PIBF1: variants seen among roughly 807,000 people sequenced by gnomAD.
The protein encoded by PIBF1 is progesterone immunomodulatory binding factor 1.
Under a neutral mutation model 112.5 loss-of-function variants are expected in PIBF1, and 90 were observed. The ratio of observed to expected loss-of-function variants is 0.80; its 90% CI spans 0.67 to 0.95. The LOEUF (loss-of-function observed/expected upper bound fraction) is 0.95. Ranked by LOEUF, PIBF1 falls within the 40% of genes least tolerant of loss-of-function variation. The probability of loss-of-function intolerance (pLI) is 0.00; values close to 1 mark genes in which losing one functional copy is unlikely to be tolerated. For synonymous variants in PIBF1, 301 were observed against 288.6 expected (o/e 1.04, Z -0.44); for missense variants, 915 against 852.3 (o/e 1.07, Z -0.92).
chr13:72,802,419 G>A (rs980444081), intron 5 of PIBF1, among the ~76,000 whole-genome samples: 1 of 152,160 alleles, frequency 6.6e-6, no homozygotes, highest in Non-Finnish European at 1.5e-5. Context: ...TTGTAATCTA[G>A]GGGAGAGATT....
At chr13:72,825,549 T>C (rs9543130) in intron 6 of PIBF1, among the ~76,000 whole-genome samples, 18,114 of 152,042 alleles carry the variant, frequency 0.12, 1,420 homozygotes, top group Non-Finnish European at 0.17. Flanking sequence ...GACTGACTGT[T>C]TGGTGGGATC....
intron 10 of PIBF1, among the ~76,000 whole-genome samples, chr13:72,881,576 C>T (rs528954483): frequency 1.2e-3 from 184 of 151,808 alleles, no homozygotes; most frequent in Non-Finnish European, 2.2e-3. Flanking sequence ...ATTAGCCAGG[C>T]GTGGTGGTGT....
At chr13:72,849,145 ATATGTG>A (rs1344293209) in intron 9 of PIBF1, among the ~76,000 whole-genome samples, 1 of 152,244 alleles carries the variant, frequency 6.6e-6, no homozygotes, top group African/African-American at 2.4e-5. Flanking sequence ...GGAAAAATAC[ATATGTG>A]TATATGGGAG....
chr13:72,899,811 A>G (rs375070242), intron 11 of PIBF1, among the ~76,000 whole-genome samples: 7 of 152,310 alleles, frequency 4.6e-5, no homozygotes, highest in Non-Finnish European at 1.0e-4. Context: ...GAGGAAGTCA[A>G]ACTGTCCCTG....
chr13:72,897,256 G>A (rs959775848), intron 11 of PIBF1, among the ~76,000 whole-genome samples: 2 of 152,142 alleles, frequency 1.3e-5, no homozygotes, highest in African/African-American at 4.8e-5. Flanking sequence ...CATGCTGAGA[G>A]AATTCACCAT....
chr13:72,860,078 A>G (rs905602497), intron 10 of PIBF1, among the ~76,000 whole-genome samples: 2 of 152,220 alleles, frequency 1.3e-5, no homozygotes, highest in South Asian at 2.1e-4. Flanking sequence ...CTCTATCAGT[A>G]GAAGTATTCA....
At position 72,931,226 on chromosome 13, in the gene PIBF1, C is replaced by A. The variant is rs1185374888; in HGVS notation, c.1792C>A (p.Leu598Met). Residue 598 changes from leucine (L) to methionine (M), a missense_variant, in exon 14 of 18, where the codon CTG (leucine) becomes ATG (methionine). Coordinates refer to ENST00000326291, the MANE Select transcript of PIBF1 (RefSeq NM_006346.4). Reference sequence around the variant, plus strand: ...ACAAAACTCGCTGATTTTAAAAGATCTGGAACATCGAAAGGACCAAGTAAC... The same window carrying A: ...ACAAAACTCGCTGATTTTAAAAGATATGGAACATCGAAAGGACCAAGTAAC... ...EKQNSLILKD[L>M]EHRKDQVTQL... is the part of the protein sequence containing the mutation. 6.2e-7 allele frequency: 1 copy of A among 1,613,088 alleles called. No individual in the cohort carries two copies. Among genetic ancestry groups the A allele is most frequent in the South Asian group, 1.1e-5 (1 of 91,016 alleles).
chr13:73,003,162 A>G (rs1015649205), intron 17 of PIBF1, among the ~76,000 whole-genome samples: 3 of 152,040 alleles, frequency 2.0e-5, no homozygotes, highest in Non-Finnish European at 4.4e-5. Flanking sequence ...TAGATAGATT[A>G]AGTTTATATA....
At chr13:72,993,422 A>G (rs1216364389) in intron 16 of PIBF1, among the ~76,000 whole-genome samples, 2 of 152,220 alleles carry the variant, frequency 1.3e-5, no homozygotes, top group Admixed American at 6.5e-5. Flanking sequence ...AACTGCCAAT[A>G]GAGGGATATA....
chr13:72,855,324 TAATA>T (rs1411229563), intron 10 of PIBF1, among the ~76,000 whole-genome samples: 1 of 152,182 alleles, frequency 6.6e-6, no homozygotes, highest in Non-Finnish European at 1.5e-5. Flanking sequence ...GGAAGAATTT[TAATA>T]AATGTTATAT....
At chr13:72,990,242 A>AGG (rs1184094153) in intron 16 of PIBF1, among the ~76,000 whole-genome samples, 3 of 147,372 alleles carry the variant, frequency 2.0e-5, no homozygotes, top group Non-Finnish European at 4.5e-5. Context: ...AAAAAATGCC[A>AGG]GGTACAGTGG....
intron 10 of PIBF1, among the ~76,000 whole-genome samples, chr13:72,887,443 T>A (rs1166897378): frequency 6.6e-6 from 1 of 151,848 alleles, no homozygotes; most frequent in Admixed American, 6.6e-5. Flanking sequence ...GTGTGCTTAT[T>A]TTTGTATTCT....
At chr13:72,901,988 AC>A (rs2040505454) in intron 11 of PIBF1, among the ~76,000 whole-genome samples, 1 of 83,556 alleles carries the variant, frequency 1.2e-5, no homozygotes, top group Non-Finnish European at 2.7e-5. Flanking sequence ...GGATAAAGAA[AC>A]TGTAGTGTGT....
At chr13:72,975,302 C>T (rs1224059422) in intron 16 of PIBF1, among the ~76,000 whole-genome samples, 1 of 151,866 alleles carries the variant, frequency 6.6e-6, no homozygotes, top group Non-Finnish European at 1.5e-5. Flanking sequence ...GTGATCTGCC[C>T]GCCTCAATCC....
chr13:72,999,284 A>G (rs997875981), intron 17 of PIBF1, among the ~76,000 whole-genome samples: 4 of 151,946 alleles, frequency 2.6e-5, no homozygotes, highest in African/African-American at 9.6e-5. Flanking sequence ...AAGAAAAAGA[A>G]ATAAGAAAAA....
At chr13:72,988,359 G>A (rs1020279453) in intron 16 of PIBF1, among the ~76,000 whole-genome samples, 1 of 151,928 alleles carries the variant, frequency 6.6e-6, no homozygotes, top group African/African-American at 2.4e-5. Flanking sequence ...CTTCTTTTGA[G>A]GCAAAGAGAC....
chr13:72,798,040 T>C lies in PIBF1; in HGVS notation c.672+14T>C. On this transcript the variant is annotated intron_variant, in intron 5 of 17. Transcript: ENST00000326291. ...CAGCTGACAGAGGTTTGTATGGTTT[T>C]GATTGCTGGTGGGAAGAAGCTTCGG... 6.3e-7 allele frequency: 1 copy of C among 1,578,444 alleles called. No homozygotes were observed. The highest frequency in any genetic ancestry group is 8.6e-7 in the Non-Finnish European group (1 of 1,167,548).
At chr13:72,836,043 G>A (rs1008701589) in intron 9 of PIBF1, 6 of 427,056 alleles carry the variant, frequency 1.4e-5, no homozygotes, top group African/African-American at 1.3e-4. Flanking sequence ...AGCTTGCAGT[G>A]AGCCGAGATC....
At chr13:72,801,183 T>C (rs1457115217) in intron 5 of PIBF1, among the ~76,000 whole-genome samples, 1 of 152,266 alleles carries the variant, frequency 6.6e-6, no homozygotes, top group East Asian at 1.9e-4. Flanking sequence ...TTAAGTGAAA[T>C]GAAAAGTTGC....
Sources: allele counts gnomAD v4.1 joint callset (sites outside exome capture counted in the v4.1 genomes callset), GRCh38; gene constraint gnomAD v4.1.1; transcripts MANE v1.5; gene names NCBI Gene and HGNC (gene_info 2026-07-23, HGNC 2026-07-21).